Variants in COBL observed in about 807,000 individuals in gnomAD.
The protein encoded by COBL is protein cordon-bleu.
In COBL, 51 loss-of-function variants were observed where a neutral mutation model predicts 98.8. That is an observed-to-expected ratio of 0.52 (90% CI 0.41 to 0.65). The LOEUF (loss-of-function observed/expected upper bound fraction) is 0.65. COBL is among the 30% of genes least tolerant of loss of function. The probability of loss-of-function intolerance (pLI) is 0.00; values close to 1 mark genes in which losing one functional copy is unlikely to be tolerated. For synonymous variants in COBL, 634 were observed against 651.7 expected, an observed-to-expected ratio of 0.97 and a Z score of 0.41; for missense variants, 1,617 against 1,617.5, an observed-to-expected ratio of 1.00 and a Z score of 0.01.
chr7:51,277,589 C>CAA (rs1292264055), intron 1 of COBL, among the ~76,000 whole-genome samples: 1 of 152,028 alleles, frequency 6.6e-6, no homozygotes, highest in Non-Finnish European at 1.5e-5. Context: ...TGGGCTAATT[C>CAA]ATGGTGTGTA....
chr7:51,222,379 T>C (rs898401876), intron 1 of COBL, among the ~76,000 whole-genome samples: 23 of 152,174 alleles, frequency 1.5e-4, no homozygotes, highest in African/African-American at 5.1e-4. Flanking sequence ...TATGGCACCA[T>C]TGTAAGGACT....
At chr7:51,290,154 C>A (rs1323309329) in intron 1 of COBL, among the ~76,000 whole-genome samples, 1 of 152,156 alleles carries the variant, frequency 6.6e-6, no homozygotes, top group East Asian at 1.9e-4. Flanking sequence ...AAGATCAACA[C>A]TTGGACTTGA....
intron 1 of COBL, among the ~76,000 whole-genome samples, chr7:51,220,956 T>C (rs1793584391): frequency 6.6e-6 from 1 of 152,222 alleles, no homozygotes; most frequent in Non-Finnish European, 1.5e-5. Flanking sequence ...CATATTTTGA[T>C]TTAAGAACCT....
chr7:51,027,256 T>C (rs947647494), intron 10 of COBL, among the ~76,000 whole-genome samples: 3 of 152,224 alleles, frequency 2.0e-5, no homozygotes, highest in African/African-American at 7.2e-5. Context: ...GCCTAGACAA[T>C]GGGCAAGGCG....
At position 51,085,301 on chromosome 7, in the gene COBL, A is replaced by G; in HGVS notation, c.961T>C (p.Ser321Pro). ...TGTAAATCAATCTGTGACCCAAGAG[A>G]TACCTATGAAGTACAAAGAAGGAAA... ...PVQDKASEKV[S>P]LGSQIDLQKK... The change falls in exon 7 of 13, where the codon TCT becomes CCT. Residue 321 changes from serine (S) to proline (P), a missense_variant. Ser to Pro is a moderately conservative substitution (Grantham distance 74). This residue lies in a region of COBL where 1,304 missense variants were observed against 1,282.0 expected (regional missense o/e 1.02). Transcript: ENST00000265136. 6.4e-7 allele frequency: 1 copy of G among 1,552,948 alleles called. No homozygotes were observed. Among genetic ancestry groups the G allele is most frequent in the Non-Finnish European group, 8.7e-7 (1 of 1,150,296 alleles).
At chr7:51,172,373 G>T in intron 5 of COBL, 1 of 854,694 alleles carries the variant, frequency 1.2e-6, no homozygotes, top group Non-Finnish European at 1.6e-6. Context: ...AAACCAGTCT[G>T]TGATTTCACT....
intron 1 of COBL, among the ~76,000 whole-genome samples, chr7:51,308,828 A>T (rs892654302): frequency 6.6e-6 from 1 of 152,224 alleles, no homozygotes; most frequent in African/African-American, 2.4e-5. Flanking sequence ...CATCATAAAA[A>T]GCAAAGGACG....
chr7:51,083,183 C>T (rs1282301683), intron 7 of COBL: 8 of 1,483,612 alleles, frequency 5.4e-6, no homozygotes, highest in African/African-American at 4.2e-5. Flanking sequence ...GGGTGGACCC[C>T]GAGCAGTGCC....
At chr7:51,313,255 A>G (rs930600118) in intron 1 of COBL, among the ~76,000 whole-genome samples, 2 of 152,186 alleles carry the variant, frequency 1.3e-5, no homozygotes, top group Non-Finnish European at 2.9e-5. Context: ...TTTTCTTAAT[A>G]TCTGCATGCT....
At chr7:51,217,340 C>CTTTTTTTTTTTTTTTTTTTTTTTT (rs937958755) in intron 2 of COBL, among the ~76,000 whole-genome samples, 1 of 127,720 alleles carries the variant, frequency 7.8e-6, no homozygotes, top group African/African-American at 3.0e-5. Context: ...TTTTCTTTTT[C>CTTTTTTTTTTTTTTTTTTTTTTTT]TTTTTTTTTT....
At chr7:51,081,029 T>C (rs922346402) in intron 7 of COBL, among the ~76,000 whole-genome samples, 3 of 152,204 alleles carry the variant, frequency 2.0e-5, no homozygotes, top group African/African-American at 4.8e-5. Flanking sequence ...GTTCTGCTAA[T>C]TAGCAACATA....
intron 12 of COBL, chr7:51,023,091 G>A (rs1336677310): frequency 1.3e-5 from 2 of 152,138 alleles, no homozygotes; most frequent in Non-Finnish European, 2.9e-5. Context: ...CCTTGAAATC[G>A]GTGGCTGTCA....
chr7:51,316,794 G>A lies in COBL; in HGVS notation c.-161C>T, dbSNP rs1371863597. The A allele has an allele frequency of 9.4e-5, 47 of 498,890 alleles. No individual in the cohort carries two copies. The highest frequency in any genetic ancestry group is 1.3e-4 in the Non-Finnish European group (42 of 333,892). The allele number at this position is 498,890 out of a possible 1,614,324, so 30.9% of individuals were successfully genotyped here. A position where few individuals can be genotyped will look rare whatever the true frequency, so the allele number is the denominator to read the frequency against. ...GCGGCGGAGCGCGGCGGACGGAAGG[G>A]GCTGGAATCGTCTCTAGCGGGCGGG... On this transcript the variant is annotated 5_prime_UTR_variant, in exon 1 of 13. Transcript: ENST00000265136.
At chr7:51,195,033 T>G (rs1258065517) in intron 2 of COBL, among the ~76,000 whole-genome samples, 1 of 152,204 alleles carries the variant, frequency 6.6e-6, no homozygotes, top group African/African-American at 2.4e-5. Context: ...TAGATTCCAT[T>G]TGTCAGGTTT....
intron 1 of COBL, among the ~76,000 whole-genome samples, chr7:51,283,742 C>T (rs1563125067): frequency 6.6e-6 from 1 of 152,122 alleles, no homozygotes; most frequent in African/African-American, 2.4e-5. Context: ...GCCTCGGCCT[C>T]CCAGAGTGCT....
At chr7:51,288,511 GTGA>G (rs1026822550) in intron 1 of COBL, among the ~76,000 whole-genome samples, 5 of 151,642 alleles carry the variant, frequency 3.3e-5, no homozygotes, top group Non-Finnish European at 5.9e-5. Flanking sequence ...CCAGCACTTT[GTGA>G]GGCCGAGGCA....
chr7:51,287,126 A>T (rs1392659612), intron 1 of COBL, among the ~76,000 whole-genome samples: 1 of 152,184 alleles, frequency 6.6e-6, no homozygotes, highest in Non-Finnish European at 1.5e-5. Flanking sequence ...AGGAAAGGAG[A>T]GGAGCATGGG....
At chr7:51,070,805 A>T (rs1196623914) in intron 7 of COBL, 2 of 152,206 alleles carry the variant, frequency 1.3e-5, no homozygotes, top group Admixed American at 6.5e-5. Flanking sequence ...CAGTGAGTAA[A>T]CAGTAACGAC....
intron 2 of COBL, among the ~76,000 whole-genome samples, chr7:51,216,007 A>G (rs1442908276): frequency 6.6e-6 from 1 of 152,242 alleles, no homozygotes; most frequent in Non-Finnish European, 1.5e-5. Flanking sequence ...GTAAAGGCAG[A>G]ATCACAGGAC....
Sources: gnomAD v4.1 joint callset for allele counts (sites outside exome capture counted in the v4.1 genomes callset) on GRCh38, gnomAD v4.1.1 for gene constraint, gnomAD v4.1.1 regional missense constraint, MANE v1.5 for transcripts, NCBI Gene and HGNC (gene_info 2026-07-23, HGNC 2026-07-21) for gene names.